Variants in SLC35F1 observed in about 807,000 individuals in gnomAD.
SLC35F1 encodes the protein solute carrier family 35 member F1, also known as chromosome 6 open reading frame 169.
Under a neutral mutation model 48.7 loss-of-function variants are expected in SLC35F1, and 14 were observed. The observed-to-expected ratio is 0.29, with a 90% CI of 0.19 to 0.45. The LOEUF is 0.45. SLC35F1 is among the 20% of genes least tolerant of loss of function. The pLI is 1.00. For missense variants in SLC35F1, 404 were observed against 500.0 expected, an observed-to-expected ratio of 0.81 and a Z score of 1.83; for synonymous variants, 190 against 202.2, an observed-to-expected ratio of 0.94 and a Z score of 0.51.
At chr6:118,229,888 T>G (rs1377068140) in intron 2 of SLC35F1, among the ~76,000 whole-genome samples, 1 of 152,210 alleles carries the variant, frequency 6.6e-6, no homozygotes, top group Non-Finnish European at 1.5e-5. Flanking sequence ...GCCAAGATTT[T>G]TTCCTGTCTA....
chr6:118,305,756 T>C (rs1776305191), intron 7 of SLC35F1, among the ~76,000 whole-genome samples: 1 of 152,198 alleles, frequency 6.6e-6, no homozygotes, highest in Non-Finnish European at 1.5e-5. Context: ...TTGCTATATA[T>C]ACACACACAG....
At chr6:117,917,037 G>T (rs1775835680) in intron 1 of SLC35F1, among the ~76,000 whole-genome samples, 1 of 152,176 alleles carries the variant, frequency 6.6e-6, no homozygotes, top group African/African-American at 2.4e-5. Flanking sequence ...AATATGCAGA[G>T]AATCAAAGTG....
In SLC35F1 at chr6:118,277,097, A is replaced by T; in HGVS notation, c.795-397A>T. On this transcript the variant is annotated intron_variant, in intron 5 of 7. Transcript: ENST00000360388. ...CACTCTCCAGTTGGCTGTCATGTAC[A>T]TTTAACTTTGAGAACCATTGCCCTA... Among the ~76,000 whole-genome samples, 2 of 152,212 alleles carry T rather than the reference A, an allele frequency of 1.3e-5. 1 individual carries two copies.
chr6:118,235,728 A>G, intron 3 of SLC35F1, 92 bp downstream of exon 3: 3 of 1,369,086 alleles, frequency 2.2e-6, no homozygotes, highest in Non-Finnish European at 3.0e-6. Context: ...ACTACAAGTT[A>G]CTATCTGTAT....
chr6:117,998,458 T>A (rs943088477), intron 1 of SLC35F1, among the ~76,000 whole-genome samples: 3 of 152,128 alleles, frequency 2.0e-5, no homozygotes, highest in Non-Finnish European at 4.4e-5. Flanking sequence ...CCACCCCAAA[T>A]CAACAGAATA....
chr6:118,005,719 T>G (rs891234783), intron 1 of SLC35F1, among the ~76,000 whole-genome samples: 9 of 152,200 alleles, frequency 5.9e-5, no homozygotes, highest in African/African-American at 2.2e-4. Context: ...TAAGTATGCA[T>G]TTGGATTGGA....
intron 1 of SLC35F1, among the ~76,000 whole-genome samples, chr6:117,991,186 G>A (rs1054210917): frequency 6.6e-6 from 1 of 152,056 alleles, no homozygotes; most frequent in Non-Finnish European, 1.5e-5. Context: ...AATGAAAACT[G>A]TACTAAATTG....
chr6:118,186,912 T>G (rs1179207599), intron 2 of SLC35F1, among the ~76,000 whole-genome samples: 1 of 152,218 alleles, frequency 6.6e-6, no homozygotes, highest in African/African-American at 2.4e-5. Flanking sequence ...TGGGTTATCT[T>G]CTAAAGCTGA....
intron 1 of SLC35F1, among the ~76,000 whole-genome samples, chr6:118,013,234 G>A (rs1272692037): frequency 6.6e-6 from 1 of 152,136 alleles, no homozygotes; most frequent in African/African-American, 2.4e-5. Context: ...GCTCACCCCA[G>A]TGCCCATGTG....
chr6:118,105,916 C>G (rs1048420260), intron 1 of SLC35F1, among the ~76,000 whole-genome samples: 2 of 152,032 alleles, frequency 1.3e-5, no homozygotes, highest in Admixed American at 1.3e-4. Context: ...TTCAAAGGAC[C>G]CTTAACATTA....
chr6:118,191,897 G>A (rs553226312), intron 2 of SLC35F1, among the ~76,000 whole-genome samples: 1 of 152,136 alleles, frequency 6.6e-6, no homozygotes, highest in South Asian at 2.1e-4. Context: ...CAAGAATATG[G>A]GTTTGACAAA....
At chr6:118,266,152 A>G (rs901690526) in intron 3 of SLC35F1, among the ~76,000 whole-genome samples, 12 of 152,196 alleles carry the variant, frequency 7.9e-5, no homozygotes, top group Non-Finnish European at 1.3e-4. Context: ...GCCCAAGGTC[A>G]CATAGCTGTA....
rs370207603 is a variant in SLC35F1 at position 118,233,238 on chromosome 6, T to C, written c.350-2271T>C. 4.3e-4 allele frequency among the ~76,000 whole-genome samples: 65 copies of C among 152,342 alleles called. No homozygotes were observed. In the South Asian group the frequency reaches 0.012, roughly 27 times the overall value. On this transcript the variant is annotated intron_variant, in intron 2 of 7. Coordinates refer to ENST00000360388, the MANE Select transcript of SLC35F1 (RefSeq NM_001029858.4). ...CCTCAGCCTCCCAAAGTGCTGGGAT[T>C]ACAGGCGTGAGCCACCGCGCCCAGC...
At chr6:118,291,371 T>C (rs1018613884) in intron 7 of SLC35F1, among the ~76,000 whole-genome samples, 1 of 152,120 alleles carries the variant, frequency 6.6e-6, no homozygotes, top group African/African-American at 2.4e-5. Context: ...GAAAAAGTAT[T>C]TAAATCCTTT....
At chr6:118,233,844 G>T (rs1226309865) in intron 2 of SLC35F1, among the ~76,000 whole-genome samples, 1 of 152,234 alleles carries the variant, frequency 6.6e-6, no homozygotes, top group Non-Finnish European at 1.5e-5. Context: ...AAGACTTTGT[G>T]CATGCTTGAA....
intron 1 of SLC35F1, among the ~76,000 whole-genome samples, chr6:118,074,541 C>G (rs927008015): frequency 1.3e-5 from 2 of 152,206 alleles, no homozygotes; most frequent in Non-Finnish European, 2.9e-5. Context: ...ATGACATTCT[C>G]ATGCTCAGTT....
intron 1 of SLC35F1, among the ~76,000 whole-genome samples, chr6:118,076,821 G>C (rs1772828859): frequency 6.6e-6 from 1 of 152,100 alleles, no homozygotes; most frequent in South Asian, 2.1e-4. Flanking sequence ...TTAGTAGGCA[G>C]CATTGATTTT....
At chr6:117,939,162 G>A (rs1364745862) in intron 1 of SLC35F1, among the ~76,000 whole-genome samples, 6 of 151,820 alleles carry the variant, frequency 4.0e-5, no homozygotes, top group Admixed American at 3.9e-4. Flanking sequence ...ACCACAACTG[G>A]CTAATTTTTA....
In SLC35F1 at chr6:118,125,377, G is replaced by GT. The variant is rs1491217555; in HGVS notation, c.174-29068_174-29067insT. Among the ~76,000 whole-genome samples, 9 of 36,764 alleles carry GT rather than the reference G, an allele frequency of 2.4e-4. No homozygotes were observed. In the South Asian group the frequency reaches 5.5e-3, roughly 22 times the overall value. The allele number at this position is 36,764 out of a possible 152,430, so 24.1% of individuals were successfully genotyped here. A position where few individuals can be genotyped will look rare whatever the true frequency, so the allele number is the denominator to read the frequency against. On this transcript the variant is annotated intron_variant, in intron 1 of 7. Transcript: ENST00000360388. Reference sequence around the variant, plus strand: ...GGTTTTTATTCATTTATGGTATTTTGGGGGGGGGGATCAGATACTTACTAT... The same window carrying GT: ...GGTTTTTATTCATTTATGGTATTTTGTGGGGGGGGGATCAGATACTTACTAT...
Sources: allele counts gnomAD v4.1 joint callset (sites outside exome capture counted in the v4.1 genomes callset), GRCh38; gene constraint gnomAD v4.1.1; transcripts MANE v1.5; gene names NCBI Gene and HGNC (gene_info 2026-07-23, HGNC 2026-07-21).